Variants in C8orf74 observed in about 807,000 individuals in gnomAD.
C8orf74 encodes uncharacterized protein C8orf74.
A neutral mutation model predicts 22.2 loss-of-function variants in C8orf74; 29 were observed. The ratio of observed to expected loss-of-function variants is 1.31; its 90% CI spans 0.97 to 1.78. The LOEUF is 1.78. C8orf74 is among the 40% of genes most tolerant of loss of function. The pLI is 0.00. For synonymous variants in C8orf74, 255 were observed against 163.1 expected (o/e 1.56, Z -4.30); for missense variants, 515 against 369.9 (o/e 1.39, Z -3.22).
chr8:10,700,482 C>T lies in C8orf74; in HGVS notation c.*11C>T, dbSNP rs973016687. 2.0e-6 allele frequency: 3 copies of T among 1,519,444 alleles called. No homozygotes were observed. The highest frequency in any genetic ancestry group is 2.7e-6 in the Non-Finnish European group (3 of 1,124,620). 94.1% of individuals were successfully genotyped at this position (1,519,444 alleles called of 1,614,324 possible). Reference sequence around the variant, plus strand: ...AAGGCAAGGAAGTAGAAGGTCCCGACTGCCACACGAGACTGACTGGGGACC... The same window carrying T: ...AAGGCAAGGAAGTAGAAGGTCCCGATTGCCACACGAGACTGACTGGGGACC... On this transcript the variant is annotated 3_prime_UTR_variant, in exon 4 of 4. Coordinates refer to ENST00000304519, the MANE Select transcript of C8orf74 (RefSeq NM_001040032.2).
At chr8:10,676,367 C>G (rs1182870932) in intron 2 of C8orf74, among the ~76,000 whole-genome samples, 1 of 152,100 alleles carries the variant, frequency 6.6e-6, no homozygotes, top group African/African-American at 2.4e-5. Flanking sequence ...CTTCTCTAAC[C>G]TCACCACTTC....
chr8:10,690,106 G>A (rs1389301427), intron 2 of C8orf74, among the ~76,000 whole-genome samples: 1 of 152,212 alleles, frequency 6.6e-6, no homozygotes, highest in Non-Finnish European at 1.5e-5. Context: ...CCACCTCCAA[G>A]AATCTACAAA....
At chr8:10,677,827 G>A (rs1563155236) in intron 2 of C8orf74, among the ~76,000 whole-genome samples, 1 of 152,154 alleles carries the variant, frequency 6.6e-6, no homozygotes. Flanking sequence ...TCAGCATCAG[G>A]TACACAGATT....
intron 3 of C8orf74, among the ~76,000 whole-genome samples, chr8:10,699,494 T>G (rs1372987224): frequency 6.6e-6 from 1 of 152,232 alleles, no homozygotes; most frequent in African/African-American, 2.4e-5. Flanking sequence ...TTGCTTCCAG[T>G]GTGTCCCCTG....
At chr8:10,681,984 C>T (rs1221539445) in intron 2 of C8orf74, among the ~76,000 whole-genome samples, 1 of 152,260 alleles carries the variant, frequency 6.6e-6, no homozygotes, top group African/African-American at 2.4e-5. Context: ...GAGGCAGTGA[C>T]TCTTCCAAGC....
chr8:10,700,390 CATCACCAGCCA>C lies in C8orf74; in HGVS notation c.805_815del (p.Ile269ArgfsTer47). ...ACGCCCCCACCCCTATCCCGCCCCC[CATCACCAGCCA>C]CGCAGGCCAGGAGGAAGCCCTGAAG... On this transcript the variant is annotated frameshift_variant, in exon 4 of 4. Coordinates refer to ENST00000304519, the MANE Select transcript of C8orf74 (RefSeq NM_001040032.2). LOFTEE classifies it low-confidence loss of function (END_TRUNC). 1 of 1,611,808 alleles carries C rather than the reference CATCACCAGCCA, an allele frequency of 6.2e-7. No homozygotes were observed. The highest frequency in any genetic ancestry group is 1.1e-5 in the South Asian group (1 of 90,952).
At position 10,697,624 on chromosome 8, in the gene C8orf74, G is replaced by C; in HGVS notation, c.267G>C (p.Thr89=). 1 of 1,613,896 alleles carries C rather than the reference G, an allele frequency of 6.2e-7. No individual in the cohort carries two copies. Among genetic ancestry groups the C allele is most frequent in the Non-Finnish European group, 8.5e-7 (1 of 1,179,860 alleles). The change falls in exon 3 of 4, where the codon ACG becomes ACC. Residue 89 remains threonine, a synonymous_variant. Transcript: ENST00000304519. ...GCTGCTCCATTACTGAGGCTGTGAC[G>C]ATCCTGGGGAACAAGCTTAGAGATT... The part of the protein sequence containing the change: ...TKGCSITEAV[T]ILGNKLRDYR...
In C8orf74 at chr8:10,700,367, G is replaced by GCCCCCCCCCCCAAACCCCCCCCCCAAAC; in HGVS notation, c.786_787insCCCCCCAAACCCCCCCCCCAAACCCCCC (p.Thr263ProfsTer66). 3.1e-6 allele frequency: 5 copies of GCCCCCCCCCCCAAACCCCCCCCCCAAAC among 1,590,878 alleles called. No homozygotes were observed. Among genetic ancestry groups the GCCCCCCCCCCCAAACCCCCCCCCCAAAC allele is most frequent in the Non-Finnish European group, 4.3e-6 (5 of 1,159,714 alleles). ...TCAGAAGAAGACTCTGAACCTCAAC[G>GCCCCCCCCCCCAAACCCCCCCCCCAAAC]CCCCCACCCCTATCCCGCCCCCCAT... On this transcript the variant is annotated frameshift_variant, in exon 4 of 4. Coordinates refer to ENST00000304519, the MANE Select transcript of C8orf74 (RefSeq NM_001040032.2). LOFTEE classifies it low-confidence loss of function (END_TRUNC).
intron 2 of C8orf74, among the ~76,000 whole-genome samples, chr8:10,680,501 G>A (rs556895002): frequency 1.7e-4 from 26 of 152,308 alleles, no homozygotes; most frequent in Middle Eastern, 6.8e-3. Flanking sequence ...ACAGACAGAA[G>A]GTGCCACCCT....
At chr8:10,699,927 G>A (rs1398098344) in intron 3 of C8orf74, among the ~76,000 whole-genome samples, 1 of 152,226 alleles carries the variant, frequency 6.6e-6, no homozygotes, top group Non-Finnish European at 1.5e-5. Context: ...ATGACTATTG[G>A]AATCCAAAAA....
intron 3 of C8orf74, among the ~76,000 whole-genome samples, chr8:10,699,276 C>G (rs561252056): frequency 2.0e-5 from 3 of 152,220 alleles, no homozygotes; most frequent in African/African-American, 7.2e-5. Flanking sequence ...GCCAGAGCCC[C>G]CTACACTGTG....
At position 10,700,360 on chromosome 8, in the gene C8orf74, C is replaced by T. The variant is rs368046652; in HGVS notation, c.774C>T (p.Asn258=). The change falls in exon 4 of 4, where the codon AAC becomes AAT. Residue 258 remains asparagine, a synonymous_variant. Transcript: ENST00000304519. ...TGAAGCTTCAGAAGAAGACTCTGAACCTCAACGCCCCCACCCCTATCCCGC... is the reference window on the plus strand; with the variant it reads ...TGAAGCTTCAGAAGAAGACTCTGAATCTCAACGCCCCCACCCCTATCCCGC... ...LDLKLQKKTL[N]LNAPTPIPPP... is the part of the protein sequence containing the mutation. 3.7e-6 allele frequency: 6 copies of T among 1,613,248 alleles called. No homozygotes were observed. The highest frequency in any genetic ancestry group is 1.1e-5 in the South Asian group (1 of 91,052).
intron 2 of C8orf74, among the ~76,000 whole-genome samples, chr8:10,685,545 A>G (rs548910291): frequency 3.9e-5 from 6 of 152,244 alleles, no homozygotes; most frequent in Non-Finnish European, 8.8e-5. Context: ...CTAGATGCAA[A>G]AGAATAAATA....
chr8:10,690,225 A>T (rs1799346240), intron 2 of C8orf74, among the ~76,000 whole-genome samples: 1 of 151,582 alleles, frequency 6.6e-6, no homozygotes, highest in African/African-American at 2.4e-5. Flanking sequence ...TCCCGGGAGG[A>T]GAGGGGTTGG....
chr8:10,674,082 A>C (rs1282435367), intron 1 of C8orf74, among the ~76,000 whole-genome samples: 11 of 57,768 alleles, frequency 1.9e-4, no homozygotes, highest in East Asian at 1.3e-3. Context: ...CCCCACAACC[A>C]TCATGTCATA....
chr8:10,688,975 G>A (rs1799318649), intron 2 of C8orf74: 1 of 152,272 alleles, frequency 6.6e-6, no homozygotes, highest in Non-Finnish European at 1.5e-5. Flanking sequence ...GTGGACAGCA[G>A]GTCAGCCACA....
intron 2 of C8orf74, chr8:10,688,298 T>C (rs1172377251): frequency 6.6e-6 from 1 of 151,950 alleles, no homozygotes; most frequent in African/African-American, 2.4e-5. Context: ...TACTACTGAC[T>C]TCTAACATCA....
At chr8:10,685,105 C>T (rs934736849) in intron 2 of C8orf74, among the ~76,000 whole-genome samples, 30 of 152,210 alleles carry the variant, frequency 2.0e-4, no homozygotes, top group South Asian at 8.3e-4. Flanking sequence ...GAGATTTTTA[C>T]TTAATCTTTT....
At chr8:10,698,958 A>G (rs1799593307) in intron 3 of C8orf74, among the ~76,000 whole-genome samples, 1 of 149,886 alleles carries the variant, frequency 6.7e-6, no homozygotes, top group South Asian at 2.1e-4. Context: ...AAAATCTCTA[A>G]AGAGCAATGA....
Sources: allele counts gnomAD v4.1 joint callset (sites outside exome capture counted in the v4.1 genomes callset), GRCh38; gene constraint gnomAD v4.1.1; transcripts MANE v1.5; gene names NCBI Gene and HGNC (gene_info 2026-07-23, HGNC 2026-07-21).